MUCL1: variants seen among roughly 807,000 people sequenced by gnomAD.
The protein encoded by MUCL1 is mucin like 1, also known as mucin-like protein 1.
MUCL1 carries 11 observed loss-of-function variants against 9.2 expected under a neutral mutation model. That is an observed-to-expected ratio of 1.19 (90% confidence interval 0.75 to 1.97). The LOEUF (loss-of-function observed/expected upper bound fraction) is 1.97. Among genes scored for constraint, MUCL1 ranks in the 30% most tolerant of loss-of-function variants. The pLI, the probability that MUCL1 is intolerant of heterozygous loss-of-function variation, is 0.00. For missense variants in MUCL1, 144 were observed against 110.9 expected (o/e 1.30, Z -1.34); for synonymous variants, 48 against 40.5 (o/e 1.19, Z -0.71).
At chr12:54,851,990 C>A (rs1417469796), upstream of MUCL1, among the ~76,000 whole-genome samples, 1 of 152,140 alleles carries the variant, frequency 6.6e-6, no homozygotes, top group Non-Finnish European at 1.5e-5. Flanking sequence ...CAAATCACTG[C>A]TCAATGAAAT....
At chr12:54,857,231 A>AGTGTGTGTGTGT (rs34504933) in intron 3 of MUCL1, among the ~76,000 whole-genome samples, 2,987 of 142,472 alleles carry the variant, frequency 0.021, 46 homozygotes, top group East Asian at 0.036. Context: ...TAAATCAGGT[A>AGTGTGTGTGTGT]GTGTGTGTGT....
chr12:54,838,345 C>T (rs1959196765), upstream of MUCL1, among the ~76,000 whole-genome samples: 1 of 152,144 alleles, frequency 6.6e-6, no homozygotes, highest in Non-Finnish European at 1.5e-5. Context: ...ATGCTTTTGT[C>T]TCACTGCTCT....
At chr12:54,842,997 A>G (rs1959219978) in intron 1 of MUCL1, among the ~76,000 whole-genome samples, 1 of 152,212 alleles carries the variant, frequency 6.6e-6, no homozygotes, top group South Asian at 2.1e-4. Context: ...AATAACTTAC[A>G]GTATTCAGTG....
intron 3 of MUCL1, 113 bp from the exon 4 acceptor site, chr12:54,858,080 C>T (rs1868314004): frequency 4.0e-6 from 5 of 1,257,364 alleles, no homozygotes; most frequent in Non-Finnish European, 5.8e-6. Flanking sequence ...CCTTTCGAAT[C>T]CCCTGAGTTT....
chr12:54,834,278 A>AT (rs2121478745), intron 1 of MUCL1, among the ~76,000 whole-genome samples: 1 of 152,190 alleles, frequency 6.6e-6, no homozygotes, highest in African/African-American at 2.4e-5. Context: ...GAAGTTGAGT[A>AT]TTTTTTGCCT....
At chr12:54,845,801 A>G (rs1239830706) in intron 1 of MUCL1, among the ~76,000 whole-genome samples, 2 of 152,164 alleles carry the variant, frequency 1.3e-5, no homozygotes, top group Non-Finnish European at 2.9e-5. Flanking sequence ...ATTTTCTTAC[A>G]TACCTACAGT....
intron 1 of MUCL1, among the ~76,000 whole-genome samples, chr12:54,840,862 C>T (rs1399806034): frequency 6.6e-6 from 1 of 152,214 alleles, no homozygotes; most frequent in Non-Finnish European, 1.5e-5. Context: ...GGCCTCATAC[C>T]TGCAGTATTC....
At chr12:54,842,277 T>A (rs2135941441) in intron 1 of MUCL1, among the ~76,000 whole-genome samples, 1 of 152,082 alleles carries the variant, frequency 6.6e-6, no homozygotes, top group East Asian at 1.9e-4. Context: ...TTCTAGTTGT[T>A]TGCTGCATAT....
At chr12:54,840,050 T>C (rs1206164077) in intron 1 of MUCL1, among the ~76,000 whole-genome samples, 2 of 152,064 alleles carry the variant, frequency 1.3e-5, no homozygotes, top group African/African-American at 2.4e-5. Flanking sequence ...GAAGTAAGAG[T>C]CCCTGAGGGT....
chr12:54,858,116 C>A, intron 3 of MUCL1, 77 bp from the exon 4 acceptor site: 1 of 1,539,752 alleles, frequency 6.5e-7, no homozygotes, highest in Non-Finnish European at 9.0e-7. Context: ...CTTGTTAGTT[C>A]CTTCAGATTC....
upstream of MUCL1, among the ~76,000 whole-genome samples, chr12:54,837,738 C>T (rs1385555766): frequency 6.6e-6 from 1 of 152,098 alleles, no homozygotes; most frequent in Non-Finnish European, 1.5e-5. Context: ...CACTGCACTC[C>T]AGCCTGGGTG....
upstream of MUCL1, among the ~76,000 whole-genome samples, chr12:54,850,901 T>C (rs929641516): frequency 6.6e-6 from 1 of 152,246 alleles, no homozygotes; most frequent in Non-Finnish European, 1.5e-5. Flanking sequence ...TGCATTTCTC[T>C]GATGGCCAGT....
At chr12:54,846,154 C>A (rs1189493235) in intron 1 of MUCL1, among the ~76,000 whole-genome samples, 2 of 152,184 alleles carry the variant, frequency 1.3e-5, no homozygotes, top group Non-Finnish European at 2.9e-5. Context: ...GCCCTCTATG[C>A]TTGCCATAGG....
At chr12:54,853,925 T>C (rs143964446), upstream of MUCL1, among the ~76,000 whole-genome samples, 1 of 152,362 alleles carries the variant, frequency 6.6e-6, no homozygotes, top group African/African-American at 2.4e-5. Flanking sequence ...TCCTTGATTT[T>C]GAATTTTTAT....
At chr12:54,835,609 T>C (rs1341614235), upstream of MUCL1, among the ~76,000 whole-genome samples, 2 of 106,180 alleles carry the variant, frequency 1.9e-5, no homozygotes, top group African/African-American at 7.3e-5. Context: ...TGGGATTGTT[T>C]TTTTTTTTTT....
chr12:54,856,980 G>C lies in MUCL1; in HGVS notation c.223+88G>C, dbSNP rs568672064. 1.0e-4 allele frequency: 159 copies of C among 1,568,080 alleles called. 1 individual carries two copies. The highest frequency in any genetic ancestry group is 1.7e-4 in the Middle Eastern group (1 of 5,872). ...ATTCTCACAGAGACTCTATTTTTGA[G>C]GTCAGGGAGACCTCTTCTTTACATT... is the stretch of plus-strand genomic sequence containing the variant. On this transcript the variant is annotated intron_variant, in intron 3 of 3. Transcript: ENST00000308796.
chr12:54,852,989 G>C (rs1050275861), upstream of MUCL1, among the ~76,000 whole-genome samples: 1 of 152,120 alleles, frequency 6.6e-6, no homozygotes, highest in Non-Finnish European at 1.5e-5. Flanking sequence ...ACACTGACTT[G>C]TCTTTCCGAG....
rs539263727 is a variant in MUCL1 at position 54,858,220 on chromosome 12, C to T, written c.251C>T (p.Pro84Leu). ...TTACCCAAATGGGTTGGGGATCTCC[C>T]GAATGGTAGAGTGTGTCCCTGAGAT... The part of the protein sequence containing the change: ...PVLPKWVGDL[P>L]NGRVCP The change falls in exon 4 of 4, where the codon CCG becomes CTG. Residue 84 changes from proline (P) to leucine (L), a missense_variant. Transcript: ENST00000308796. 5.5e-5 allele frequency: 89 copies of T among 1,613,474 alleles called. No homozygotes were observed. Among genetic ancestry groups the T allele is most frequent in the Middle Eastern group, 3.3e-4 (2 of 6,058 alleles).
At chr12:54,856,688 G>A in intron 2 of MUCL1, 82 bp from the exon 3 acceptor site, 5 of 1,520,400 alleles carry the variant, frequency 3.3e-6, no homozygotes, top group Non-Finnish European at 4.5e-6. Flanking sequence ...TCAGGATGAG[G>A]AATGTATGTC....
Sources: gnomAD v4.1 joint callset for allele counts (sites outside exome capture counted in the v4.1 genomes callset) on GRCh38, gnomAD v4.1.1 for gene constraint, MANE v1.5 for transcripts, NCBI Gene and HGNC (gene_info 2026-07-23, HGNC 2026-07-21) for gene names.